RAD51B: variants seen among roughly 807,000 people sequenced by gnomAD.
RAD51B encodes the protein RAD51 paralog B.
In RAD51B, 38 loss-of-function variants were observed where a neutral mutation model predicts 42.2. The ratio of observed to expected loss-of-function variants is 0.90; its 90% CI spans 0.70 to 1.18. RAD51B has a LOEUF of 1.18. Ranked by LOEUF, RAD51B falls within the 50% of genes most tolerant of loss-of-function variation. The pLI is 0.00. For synonymous variants in RAD51B, 154 were observed against 145.2 expected (o/e 1.06, Z -0.43); for missense variants, 373 against 400.7 (o/e 0.93, Z 0.59).
intron 9 of RAD51B, among the ~76,000 whole-genome samples, chr14:68,467,228 A>G (rs1018012861): frequency 7.2e-5 from 11 of 152,208 alleles, no homozygotes; most frequent in African/African-American, 2.2e-4. Context: ...GATTTTTTTA[A>G]ATGATCAAAT....
At chr14:68,598,997 C>T (rs1212601316), downstream of RAD51B, among the ~76,000 whole-genome samples, 2 of 152,182 alleles carry the variant, frequency 1.3e-5, no homozygotes, top group Admixed American at 6.5e-5. Context: ...GCAGAGGAAG[C>T]TGCAGGCCTT....
At chr14:68,477,555 G>C in intron 10 of RAD51B, 93 bp from the exon 11 acceptor site, 1 of 1,423,922 alleles carries the variant, frequency 7.0e-7, no homozygotes, top group Non-Finnish European at 9.6e-7. Flanking sequence ...TGCTGTTGGA[G>C]GAAAGTTCCA....
chr14:68,254,320 A>T (rs938182137), intron 7 of RAD51B, among the ~76,000 whole-genome samples: 5 of 152,182 alleles, frequency 3.3e-5, no homozygotes, highest in African/African-American at 1.2e-4. Context: ...TTCTTGTCCT[A>T]GTTAGCATCA....
chr14:68,551,163 C>T (rs1423829905), intron 10 of RAD51B, among the ~76,000 whole-genome samples: 1 of 152,150 alleles, frequency 6.6e-6, no homozygotes, highest in African/African-American at 2.4e-5. Context: ...CAGGCGTGCT[C>T]TCCCCACACG....
intron 11 of RAD51B, among the ~76,000 whole-genome samples, chr14:68,654,660 A>T (rs913183104): frequency 1.3e-5 from 2 of 152,056 alleles, no homozygotes; most frequent in African/African-American, 4.8e-5. Flanking sequence ...GTTGGTGAGG[A>T]TCGTGAGCAG....
intron 4 of RAD51B, among the ~76,000 whole-genome samples, chr14:67,862,708 G>A (rs1473940691): frequency 1.3e-5 from 2 of 151,940 alleles, no homozygotes; most frequent in African/African-American, 2.4e-5. Context: ...TTCAATCACC[G>A]AATCACAAAA....
At chr14:68,480,425 G>A (rs999094006), downstream of RAD51B, among the ~76,000 whole-genome samples, 4 of 152,130 alleles carry the variant, frequency 2.6e-5, no homozygotes, top group Admixed American at 6.5e-5. Flanking sequence ...CTTGCAATGC[G>A]TTCATGCAAG....
chr14:67,828,798 A>T (rs2040923855), intron 3 of RAD51B, among the ~76,000 whole-genome samples: 1 of 152,086 alleles, frequency 6.6e-6, no homozygotes, highest in Non-Finnish European at 1.5e-5. Flanking sequence ...AGATGGTTGT[A>T]GGTGTGCGGT....
intron 9 of RAD51B, among the ~76,000 whole-genome samples, chr14:68,461,609 A>G (rs1327819788): frequency 2.0e-5 from 3 of 152,152 alleles, no homozygotes; most frequent in Non-Finnish European, 2.9e-5. Flanking sequence ...GGAACCCTGG[A>G]AGTCTCCCCT....
chr14:68,492,369 C>T (rs1380391433), intron 10 of RAD51B, among the ~76,000 whole-genome samples: 1 of 152,194 alleles, frequency 6.6e-6, no homozygotes, highest in East Asian at 1.9e-4. Flanking sequence ...GGGCAGCCGT[C>T]TTTGATTTAT....
chr14:68,605,835 C>G (rs1307017720), intron 10 of RAD51B, among the ~76,000 whole-genome samples: 1 of 152,210 alleles, frequency 6.6e-6, no homozygotes, highest in African/African-American at 2.4e-5. Context: ...CGCCCCTAAC[C>G]TCTGCACCCT....
intron 4 of RAD51B, among the ~76,000 whole-genome samples, chr14:67,857,044 G>A (rs559769267): frequency 6.6e-6 from 1 of 152,122 alleles, no homozygotes; most frequent in African/African-American, 2.4e-5. Context: ...GCTGAAGCTG[G>A]GAACTGAACA....
In RAD51B at chr14:68,025,049, T is replaced by G. The variant is rs530411615; in HGVS notation, c.756+137845T>G. On this transcript the variant is annotated intron_variant, in intron 7 of 10. Transcript: ENST00000471583. Reference sequence around the variant, plus strand: ...GTGCCTACTCTGTTGAGGGTTTTTTTAATCACAAAGGGAAGTTGGATTTTA... The same window carrying G: ...GTGCCTACTCTGTTGAGGGTTTTTTGAATCACAAAGGGAAGTTGGATTTTA... Among the ~76,000 whole-genome samples the G allele has an allele frequency of 2.1e-4, 32 of 152,276 alleles. No individual in the cohort carries two copies. The South Asian group carries it at 2.9e-3, about 14-fold the overall frequency.
rs114125548 is a variant in RAD51B, at chr14:68,072,498, C to T, written c.756+185294C>T. 5.4e-3 allele frequency among the ~76,000 whole-genome samples: 821 copies of T among 152,108 alleles called. 6 individuals carry two copies. Among genetic ancestry groups the T allele is most frequent in the African/African-American group, 0.019 (773 of 41,492 alleles). The stretch of plus-strand genomic sequence containing the variant: ...TCGTCACTTCATGTTTTCTGCTTTA[C>T]ATTCGCTGGCAGCTGATTAAATGGT... On this transcript the variant is annotated intron_variant, in intron 7 of 10. Coordinates refer to ENST00000471583, the MANE Select transcript of RAD51B (RefSeq NM_133510.4).
Position 67,952,816 on chromosome 14 carries a change from G to A in RAD51B, c.756+65612G>A, listed in dbSNP as rs766949476. On this transcript the variant is annotated intron_variant, in intron 7 of 10. Coordinates refer to ENST00000471583, the MANE Select transcript of RAD51B (RefSeq NM_133510.4). ...TGACATATAAGAGATTATTGGCAGA[G>A]TGCAACTTCAGAACTCTTAGAGGAT... is the stretch of plus-strand genomic sequence containing the variant. Among the ~76,000 whole-genome samples, 3 of 152,114 alleles carry A rather than the reference G, an allele frequency of 2.0e-5. No individual in the cohort carries two copies. In the South Asian group the frequency reaches 6.2e-4, roughly 32 times the overall value.
intron 7 of RAD51B, among the ~76,000 whole-genome samples, chr14:68,036,884 A>C (rs1470831338): frequency 6.6e-6 from 1 of 152,110 alleles, no homozygotes; most frequent in Non-Finnish European, 1.5e-5. Flanking sequence ...TATTTTTAAA[A>C]ATAATTTTCA....
chr14:68,165,152 C>T lies in RAD51B; in HGVS notation c.757-126732C>T, dbSNP rs114783152. Among the ~76,000 whole-genome samples, 671 of 152,102 alleles carry T rather than the reference C, an allele frequency of 4.4e-3. 1 individual carries two copies. The highest frequency in any genetic ancestry group is 0.017 in the Middle Eastern group (5 of 294). ...TTTCAATAATCTTTATGGAGTAAAACGGAGGGTTGTTTTTTTCTTTCAACC... is the reference window on the plus strand; with the variant it reads ...TTTCAATAATCTTTATGGAGTAAAATGGAGGGTTGTTTTTTTCTTTCAACC... On this transcript the variant is annotated intron_variant, in intron 7 of 10. Transcript: ENST00000471583.
At chr14:67,950,131 G>A (rs968441348) in intron 7 of RAD51B, among the ~76,000 whole-genome samples, 1 of 150,530 alleles carries the variant, frequency 6.6e-6, no homozygotes, top group African/African-American at 2.4e-5. Flanking sequence ...CCTCTACCGA[G>A]AGAGTCAGCC....
chr14:68,301,574 T>G lies in RAD51B; in HGVS notation c.853+9594T>G, dbSNP rs568233268. Among the ~76,000 whole-genome samples the G allele has an allele frequency of 2.6e-4, 37 of 143,120 alleles. 1 individual carries two copies. The South Asian group carries it at 5.6e-3, about 22-fold the overall frequency. The allele number at this position is 143,120 out of a possible 152,430, so 93.9% of individuals were successfully genotyped here. A position where few individuals can be genotyped will look rare whatever the true frequency, so the allele number is the denominator to read the frequency against. ...GTCTTAGGGTCATTAGAATGTGAGG[T>G]TTTTTTTTTGTTTGTGTGTTTTTTT... On this transcript the variant is annotated intron_variant, in intron 8 of 10. Coordinates refer to ENST00000471583, the MANE Select transcript of RAD51B (RefSeq NM_133510.4).
Sources: allele counts gnomAD v4.1 joint callset (sites outside exome capture counted in the v4.1 genomes callset), GRCh38; gene constraint gnomAD v4.1.1; transcripts MANE v1.5; gene names NCBI Gene and HGNC (gene_info 2026-07-23, HGNC 2026-07-21).